COX15: variants seen among roughly 807,000 people sequenced by gnomAD.
COX15 encodes the protein heme A synthase COX15.
In COX15, 51 loss-of-function variants were observed where a neutral mutation model predicts 51.9. That is an observed-to-expected ratio of 0.98 (90% CI 0.78 to 1.24). The LOEUF is 1.24. Among genes scored for constraint, COX15 ranks in the 50% most tolerant of loss-of-function variants. The pLI is 0.00. For synonymous variants in COX15, 188 were observed against 190.5 expected (o/e 0.99, Z 0.11); for missense variants, 420 against 501.1 (o/e 0.84, Z 1.55).
intron 6 of COX15, among the ~76,000 whole-genome samples, chr10:99,720,659 C>T (rs545818841): frequency 3.3e-4 from 51 of 152,264 alleles, no homozygotes; most frequent in Non-Finnish European, 6.3e-4. Flanking sequence ...ATACTGTTGT[C>T]GTAATCTCCA....
chr10:99,698,689 T>G, the COX15 span: 1 of 1,614,074 alleles, frequency 6.2e-7, no homozygotes, highest in Admixed American at 1.7e-5. Flanking sequence ...CTGAGCCCCC[T>G]GCTGGCTCGC....
intron 6 of COX15, 26 bp downstream of exon 6, chr10:99,720,961 G>A: frequency 1.3e-6 from 2 of 1,589,888 alleles, no homozygotes; most frequent in South Asian, 2.2e-5. Flanking sequence ...ATGCAAACAG[G>A]TCATCTTTGA....
chr10:99,726,006 A>C (rs2036938224), intron 4 of COX15, among the ~76,000 whole-genome samples: 1 of 151,852 alleles, frequency 6.6e-6, no homozygotes, highest in South Asian at 2.1e-4. Flanking sequence ...CTTCTCTTTT[A>C]ATTTGTTGCT....
Position 99,711,560 on chromosome 10 carries a change from G to A in COX15, c.*3027C>T. 1.0e-6 allele frequency: 1 copy of A among 985,426 alleles called. No individual in the cohort carries two copies. Among genetic ancestry groups the A allele is most frequent in the Non-Finnish European group, 1.2e-6 (1 of 829,930 alleles). The allele number at this position is 985,426 out of a possible 1,614,324, so 61.0% of individuals were successfully genotyped here. A position where few individuals can be genotyped will look rare whatever the true frequency, so the allele number is the denominator to read the frequency against. On this transcript the variant is annotated 3_prime_UTR_variant, in exon 9 of 9. Transcript: ENST00000016171. ...ACTTTCTAAGGTAACTAGGCTATTAGGACCTAAGCCAGTGGTCCCTAGACT... is the reference window on the plus strand; with the variant it reads ...ACTTTCTAAGGTAACTAGGCTATTAAGACCTAAGCCAGTGGTCCCTAGACT...
chr10:99,702,632 G>A, the COX15 span: 80 of 1,613,540 alleles, frequency 5.0e-5, no homozygotes, highest in South Asian at 7.1e-4. Flanking sequence ...TTCAGTGGAC[G>A]CTGGGAGCCA....
intron 6 of COX15, among the ~76,000 whole-genome samples, chr10:99,720,366 A>G (rs2036721679): frequency 6.6e-6 from 1 of 152,048 alleles, no homozygotes; most frequent in Non-Finnish European, 1.5e-5. Flanking sequence ...AATCGCTTGG[A>G]TTTAGGGAGG....
rs2036997579 is a variant in COX15, at chr10:99,727,480, G to A, written c.356C>T (p.Ala119Val). 2 of 1,613,774 alleles carry A rather than the reference G, an allele frequency of 1.2e-6. No homozygotes were observed. The highest frequency in any genetic ancestry group is 1.7e-6 in the Non-Finnish European group (2 of 1,179,990). Residue 119 changes from alanine (A) to valine (V), a missense_variant, in exon 3 of 9, where the codon GCA becomes GTA. Physicochemically the swap from Ala to Val is moderately conservative, Grantham distance 64 (BLOSUM62 0). Transcript: ENST00000016171. ...KPPTSQEEWE[A>V]EFQRYQQFPE... is the part of the protein sequence containing the mutation. ...AAATTGCTGGTATCTTTGGAATTCT[G>A]CTTCCCATTCCTCTTGGCTTGTAGG...
At chr10:99,695,051 C>T in the COX15 span, among the ~76,000 whole-genome samples, 1 of 151,982 alleles carries the variant, frequency 6.6e-6, no homozygotes, top group African/African-American at 2.4e-5. Context: ...ATAAATAAAG[C>T]AAAAGAGAGG....
the COX15 span, chr10:99,704,593 TCAC>T: frequency 2.5e-6 from 4 of 1,614,172 alleles, no homozygotes; most frequent in Non-Finnish European, 3.4e-6. Context: ...TACGCCGAAT[TCAC>T]CACCGACAAA....
At chr10:99,709,574 TGAA>T (rs2036320253), downstream of COX15, 2 of 983,496 alleles carry the variant, frequency 2.0e-6, no homozygotes, top group South Asian at 9.4e-5. Flanking sequence ...ATAGCAACAG[TGAA>T]TATACCTCAA....
At chr10:99,702,442 G>A in the COX15 span, 2 of 1,335,136 alleles carry the variant, frequency 1.5e-6, no homozygotes, top group Non-Finnish European at 2.0e-6. Context: ...AATACGGAGT[G>A]GCTTATTGCA....
At chr10:99,717,273 C>A (rs569038231) in intron 7 of COX15, among the ~76,000 whole-genome samples, 49 of 152,332 alleles carry the variant, frequency 3.2e-4, no homozygotes, top group African/African-American at 1.2e-3. Context: ...GGTCCCATCC[C>A]TGTAGGTCAT....
downstream of COX15, chr10:99,709,784 A>G: frequency 1.0e-6 from 1 of 985,294 alleles, no homozygotes; most frequent in Non-Finnish European, 1.2e-6. Flanking sequence ...GTGTTATTAC[A>G]CATTTCTCTT....
At chr10:99,726,904 A>AC in intron 4 of COX15, 64 bp downstream of exon 4, 1 of 1,496,264 alleles carries the variant, frequency 6.7e-7, no homozygotes, top group Non-Finnish European at 9.1e-7. Flanking sequence ...AAAAAAAAAA[A>AC]AACAATGCCA....
At position 99,711,839 on chromosome 10, in the gene COX15, GA is replaced by G. The variant is rs1159057561; in HGVS notation, c.*2747del. On this transcript the variant is annotated 3_prime_UTR_variant, in exon 9 of 9. Transcript: ENST00000016171. The stretch of plus-strand genomic sequence containing the variant: ...GCTTGCATTGCTATAAGGAAATACT[GA>G]CAATTTTTAGAAAGAAAAGAGGTTT... The G allele has an allele frequency of 8.1e-6, 8 of 983,970 alleles. No individual in the cohort carries two copies. The African/African-American group carries it at 1.4e-4, about 17-fold the overall frequency. The allele number at this position is 983,970 out of a possible 1,614,324, so 61.0% of individuals were successfully genotyped here.
At chr10:99,703,468 A>G in the COX15 span, among the ~76,000 whole-genome samples, 1 of 152,350 alleles carries the variant, frequency 6.6e-6, no homozygotes, top group South Asian at 2.1e-4. Flanking sequence ...TCTGTCCAGA[A>G]AAGTCAGAAA....
In COX15 at chr10:99,711,001, G is replaced by A. The variant is rs1266949545; in HGVS notation, c.*3586C>T. 16 of 984,718 alleles carry A rather than the reference G, an allele frequency of 1.6e-5. No individual in the cohort carries two copies. The highest frequency in any genetic ancestry group is 1.9e-5 in the Non-Finnish European group (16 of 829,656). 61.0% of individuals were successfully genotyped at this position (984,718 alleles called of 1,614,324 possible). A position where few individuals can be genotyped will look rare whatever the true frequency, so the allele number is the denominator to read the frequency against. On this transcript the variant is annotated 3_prime_UTR_variant, in exon 9 of 9. Transcript: ENST00000016171. ...GTGATGACTTGTTTTTTTGGAAAAAGGTATTTGGAACATCAATCTGTAATT... is the reference window on the plus strand; with the variant it reads ...GTGATGACTTGTTTTTTTGGAAAAAAGTATTTGGAACATCAATCTGTAATT...
In COX15 at chr10:99,714,161, A is replaced by G. The variant is rs530484825; in HGVS notation, c.*426T>C. ...CCAGCTGGCTACTTTGGGTATGTCA[A>G]TCCTATCCTTTCAATCTTCACCTAA... On this transcript the variant is annotated 3_prime_UTR_variant, in exon 9 of 9. Coordinates refer to ENST00000016171, the MANE Select transcript of COX15 (RefSeq NM_078470.6). 3 of 1,053,072 alleles carry G rather than the reference A, an allele frequency of 2.8e-6. No individual in the cohort carries two copies. Among genetic ancestry groups the G allele is most frequent in the Admixed American group, 5.0e-5 (1 of 20,190 alleles). The allele number at this position is 1,053,072 out of a possible 1,614,324, so 65.2% of individuals were successfully genotyped here. A position where few individuals can be genotyped will look rare whatever the true frequency, so the allele number is the denominator to read the frequency against.
downstream of COX15, among the ~76,000 whole-genome samples, chr10:99,706,800 A>C (rs2036262810): frequency 6.6e-6 from 1 of 152,188 alleles, no homozygotes; most frequent in African/African-American, 2.4e-5. Context: ...CTGCCTACTC[A>C]GGTAACGTTT....
Sources: allele counts gnomAD v4.1 joint callset (sites outside exome capture counted in the v4.1 genomes callset), GRCh38; gene constraint gnomAD v4.1.1; transcripts MANE v1.5; gene names NCBI Gene and HGNC (gene_info 2026-07-23, HGNC 2026-07-21).